Variants in ZNF846 observed in about 807,000 individuals in gnomAD.
The protein encoded by ZNF846 is zinc finger protein 420 pseudogene.
A neutral mutation model predicts 16.0 loss-of-function variants in ZNF846; 15 were observed. That is an observed-to-expected ratio of 0.94 (90% CI 0.63 to 1.45). The LOEUF is 1.45. ZNF846 is among the 40% of genes most tolerant of loss of function. ZNF846 has a pLI of 0.00. For synonymous variants in ZNF846, 229 were observed against 212.0 expected (o/e 1.08, Z -0.70); for missense variants, 714 against 622.3 (o/e 1.15, Z -1.57).
exon 6 of ZNF846, chr19:9,757,688 T>C (rs762782816): frequency 9.3e-6 from 15 of 1,613,416 alleles, no homozygotes; most frequent in African/African-American, 2.7e-5. Context: ...TATTAAGATT[T>C]GTGGAACGAG....
At chr19:9,778,413 T>A (rs2045468439) in intron 1 of ZNF846, among the ~76,000 whole-genome samples, 1 of 152,196 alleles carries the variant, frequency 6.6e-6, no homozygotes, top group Non-Finnish European at 1.5e-5. Flanking sequence ...CATTGCTAAC[T>A]GTCCCCCAGG....
chr19:9,777,469 G>A (rs1404315189), intron 1 of ZNF846, among the ~76,000 whole-genome samples: 1 of 151,700 alleles, frequency 6.6e-6, no homozygotes, highest in East Asian at 1.9e-4. Context: ...TCAGGAGATC[G>A]AGACCATCCT....
At chr19:9,769,874 G>C (rs984508876), upstream of ZNF846, among the ~76,000 whole-genome samples, 1 of 151,510 alleles carries the variant, frequency 6.6e-6, no homozygotes, top group African/African-American at 2.4e-5. Flanking sequence ...CCAGCTACTC[G>C]AGAGGCTGAG....
chr19:9,767,702 C>T (rs1234308464), intron 1 of ZNF846, among the ~76,000 whole-genome samples: 1 of 151,946 alleles, frequency 6.6e-6, no homozygotes, highest in Non-Finnish European at 1.5e-5. Context: ...TTTGGGAGTC[C>T]GAGGAGGGTG....
At chr19:9,765,091 G>A in intron 1 of ZNF846, 56 bp from the exon 2 acceptor site, 1 of 942,652 alleles carries the variant, frequency 1.1e-6, no homozygotes, top group Non-Finnish European at 1.7e-6. Context: ...AAGTATTTCA[G>A]GCTAGGCATG....
chr19:9,767,274 T>A (rs996775510), intron 1 of ZNF846, among the ~76,000 whole-genome samples: 3 of 151,996 alleles, frequency 2.0e-5, no homozygotes, highest in African/African-American at 7.2e-5. Flanking sequence ...TAGCTAAGAT[T>A]ACAGGCATGC....
At chr19:9,784,017 T>C (rs2045532478) in intron 1 of ZNF846, among the ~76,000 whole-genome samples, 1 of 152,168 alleles carries the variant, frequency 6.6e-6, no homozygotes, top group Non-Finnish European at 1.5e-5. Context: ...AATGGTGATT[T>C]TTTTTCCTAA....
chr19:9,765,011 CAG>C (rs1464117711), exon 2 of ZNF846: 1 of 1,588,018 alleles, frequency 6.3e-7, no homozygotes, highest in East Asian at 2.2e-5. Context: ...GTCATGAAGA[CAG>C]AAAGTGTCCT....
chr19:9,756,230 T>C (rs2045132504), downstream of ZNF846: 2 of 150,172 alleles, frequency 1.3e-5, no homozygotes, highest in Non-Finnish European at 1.5e-5. Context: ...AACATTTCCC[T>C]CATTCTGTAT....
At chr19:9,759,908 T>G (rs372180382) in exon 5 of ZNF846, 5 of 1,613,044 alleles carry the variant, frequency 3.1e-6, no homozygotes, top group Non-Finnish European at 4.2e-6. Context: ...CTTGCAGCAG[T>G]GGGGAGCCTT....
chr19:9,785,206 T>TG (rs931222126), intron 1 of ZNF846, among the ~76,000 whole-genome samples: 11 of 147,206 alleles, frequency 7.5e-5, no homozygotes, highest in African/African-American at 2.5e-4. Flanking sequence ...CGAGATTTTT[T>TG]TTTTTTTTTT....
At chr19:9,755,959 G>A (rs1365038728), downstream of ZNF846, among the ~76,000 whole-genome samples, 3 of 145,632 alleles carry the variant, frequency 2.1e-5, no homozygotes, top group African/African-American at 7.9e-5. Flanking sequence ...TCCTGCCTCA[G>A]CCTCCCAAGC....
Position 9,758,026 on chromosome 19 carries a change from A to C in ZNF846, c.1051T>G (p.Ser351Ala), listed in dbSNP as rs749524666. The stretch of plus-strand genomic sequence containing the variant: ...ATCCTTACATGTTTTGTAAGGTATG[A>C]GGAATGAATAAAAGCTTTTCCACAC... The change falls in exon 6 of 6, where the codon TCA (serine) becomes GCA (alanine). Residue 351 changes from serine (S) to alanine (A), a missense_variant. By Grantham distance (99) the Ser-to-Ala change is moderately conservative (BLOSUM62 1). Coordinates refer to ENST00000397902, the Ensembl canonical transcript of ZNF846. 5 of 1,613,182 alleles carry C rather than the reference A, an allele frequency of 3.1e-6. No individual in the cohort carries two copies. The East Asian group carries it at 1.1e-4, about 36-fold the overall frequency.
intron 1 of ZNF846, among the ~76,000 whole-genome samples, chr19:9,784,980 G>C (rs749372335): frequency 6.6e-6 from 1 of 152,106 alleles, no homozygotes; most frequent in Non-Finnish European, 1.5e-5. Flanking sequence ...GGAGTTTCTT[G>C]TGTCTTCCTT....
At chr19:9,773,653 G>C (rs1374061205) in intron 1 of ZNF846, among the ~76,000 whole-genome samples, 1 of 152,072 alleles carries the variant, frequency 6.6e-6, no homozygotes, top group Non-Finnish European at 1.5e-5. Flanking sequence ...ATGGTGGCAT[G>C]CTCCTGTAAT....
At chr19:9,755,010 C>A (rs1175269828), downstream of ZNF846, among the ~76,000 whole-genome samples, 1 of 151,304 alleles carries the variant, frequency 6.6e-6, no homozygotes, top group South Asian at 2.1e-4. Flanking sequence ...GGACTACAGG[C>A]ATGCACCACC....
downstream of ZNF846, chr19:9,756,345 G>GTATATATATATATATATA (rs369347660): frequency 1.2e-4 from 10 of 81,768 alleles, no homozygotes; most frequent in African/African-American, 4.9e-4. Flanking sequence ...GTGTGTGTGT[G>GTATATATATATATATATA]TATATATATA....
At chr19:9,763,194 G>T in intron 3 of ZNF846, 88 bp downstream of exon 3, 31 of 1,265,844 alleles carry the variant, frequency 2.4e-5, no homozygotes, top group Non-Finnish European at 3.3e-5. Flanking sequence ...TGCCTGTCTT[G>T]CTTATTACAG....
chr19:9,773,323 A>G (rs932918670), upstream of ZNF846, among the ~76,000 whole-genome samples: 2 of 152,146 alleles, frequency 1.3e-5, no homozygotes, highest in Non-Finnish European at 2.9e-5. Flanking sequence ...CACCACACCC[A>G]GTGCAATGTC....
Sources: allele counts gnomAD v4.1 joint callset (sites outside exome capture counted in the v4.1 genomes callset), GRCh38; gene constraint gnomAD v4.1.1; transcripts MANE v1.5; gene names NCBI Gene and HGNC (gene_info 2026-07-23, HGNC 2026-07-21).